WWC2: variants seen among roughly 807,000 people sequenced by gnomAD.
WWC2 encodes the protein protein WWC2.
WWC2 carries 101 observed loss-of-function variants against 138.5 expected under a neutral mutation model. The ratio of observed to expected loss-of-function variants is 0.73; its 90% CI spans 0.62 to 0.86. The LOEUF (loss-of-function observed/expected upper bound fraction) is 0.86, where lower values mean the gene tolerates loss of function less well. Ranked by LOEUF, WWC2 falls within the 40% of genes least tolerant of loss-of-function variation. WWC2 has a pLI of 0.00. For missense variants in WWC2, 1,420 were observed against 1,419.4 expected (o/e 1.00, Z -0.01); for synonymous variants, 558 against 538.4 (o/e 1.04, Z -0.50).
chr4:183,176,332 A>T (rs4333224), intron 1 of WWC2, among the ~76,000 whole-genome samples: 149,708 of 152,318 alleles, frequency 0.98, 73,619 homozygotes, highest in Middle Eastern at 1. Context: ...TGGTTCTTGA[A>T]ATTCCAGCCC....
chr4:183,176,886 TGGA>T (rs1734485453), intron 1 of WWC2, among the ~76,000 whole-genome samples: 1 of 152,030 alleles, frequency 6.6e-6, no homozygotes, highest in Non-Finnish European at 1.5e-5. Flanking sequence ...GCCCTCCTCA[TGGA>T]GGAGTTTTTC....
At chr4:183,140,208 A>G (rs2111093248) in intron 1 of WWC2, among the ~76,000 whole-genome samples, 1 of 152,320 alleles carries the variant, frequency 6.6e-6, no homozygotes, top group African/African-American at 2.4e-5. Flanking sequence ...TGTTGTAGGG[A>G]TTGAGAACTG....
chr4:183,099,780 GC>G (rs1579933148), intron 1 of WWC2, among the ~76,000 whole-genome samples, 158 bp downstream of exon 1: 1 of 151,852 alleles, frequency 6.6e-6, no homozygotes, highest in East Asian at 2.0e-4. Context: ...CCGAGGAGCC[GC>G]CCGTACCCGG....
rs1273271443 is a variant in WWC2 at position 183,268,973 on chromosome 4, A to AT, written c.2214dup (p.Arg739Ter). The AT allele has an allele frequency of 6.2e-7, 1 of 1,610,806 alleles. No homozygotes were observed. The highest frequency in any genetic ancestry group is 1.7e-5 in the Admixed American group (1 of 59,452). ...CATTTTATTCTTGTTCTTTGCAGAT[A>AT]TTTTAGGGTTGCCGTTCTTCCTTCC... On this transcript the variant is annotated frameshift_variant, in exon 15 of 23. Transcript: ENST00000403733. LOFTEE classifies it high-confidence loss of function.
chr4:183,281,125 G>T, intron 17 of WWC2: 1 of 538,290 alleles, frequency 1.9e-6, no homozygotes, highest in Non-Finnish European at 2.9e-6. Context: ...TTCTTGTTTC[G>T]AGTAATTTTA....
In WWC2 at chr4:183,299,274, G is replaced by A. The variant is rs144548778; in HGVS notation, c.3384+9639G>A. Among the ~76,000 whole-genome samples the A allele has an allele frequency of 3.8e-3, 575 of 152,110 alleles. 3 individuals carry two copies. The highest frequency in any genetic ancestry group is 0.013 in the African/African-American group (542 of 41,490). ...CTCAAAGGTCCCACCTCTCAATACC[G>A]TTACAATGGCAATTGAATTTCAGCT... On this transcript the variant is annotated intron_variant, in intron 21 of 22. Transcript: ENST00000403733.
At chr4:183,240,948 T>C (rs953068497) in intron 5 of WWC2, among the ~76,000 whole-genome samples, 1 of 152,166 alleles carries the variant, frequency 6.6e-6, no homozygotes, top group Non-Finnish European at 1.5e-5. Context: ...TGAAAGCCAC[T>C]GTTCTCCCTG....
At chr4:183,134,680 A>C (rs1212557420) in intron 1 of WWC2, among the ~76,000 whole-genome samples, 1 of 151,942 alleles carries the variant, frequency 6.6e-6, no homozygotes, top group Non-Finnish European at 1.5e-5. Flanking sequence ...AATTCTCATG[A>C]TTTTTGCTTT....
chr4:183,171,227 A>G (rs985319443), intron 1 of WWC2, among the ~76,000 whole-genome samples: 8 of 152,236 alleles, frequency 5.3e-5, no homozygotes, highest in African/African-American at 1.9e-4. Context: ...GGTTAAAAAT[A>G]AAAGTGAAAA....
intron 1 of WWC2, among the ~76,000 whole-genome samples, chr4:183,163,462 G>A (rs1319756898): frequency 1.3e-5 from 2 of 152,206 alleles, no homozygotes; most frequent in East Asian, 1.9e-4. Context: ...TCACATGATA[G>A]GGAGGATGCA....
At chr4:183,288,176 G>C (rs1007851103) in intron 20 of WWC2, among the ~76,000 whole-genome samples, 2 of 152,180 alleles carry the variant, frequency 1.3e-5, no homozygotes, top group African/African-American at 4.8e-5. Context: ...AGACCATGCA[G>C]TATGTACTGG....
intron 1 of WWC2, among the ~76,000 whole-genome samples, chr4:183,192,878 A>C (rs1461176960): frequency 6.6e-6 from 1 of 152,254 alleles, no homozygotes; most frequent in African/African-American, 2.4e-5. Context: ...ATTGTAATTA[A>C]GTCTGAAACC....
At chr4:183,227,290 G>A (rs1736102666) in intron 4 of WWC2, among the ~76,000 whole-genome samples, 1 of 152,080 alleles carries the variant, frequency 6.6e-6, no homozygotes, top group African/African-American at 2.4e-5. Context: ...TAAACACTTA[G>A]CTGTGACAGT....
chr4:183,289,577 C>A lies in WWC2; in HGVS notation c.3326C>A (p.Pro1109Gln). 6.2e-7 allele frequency: 1 copy of A among 1,613,936 alleles called. No individual in the cohort carries two copies. Among genetic ancestry groups the A allele is most frequent in the African/African-American group, 1.3e-5 (1 of 75,030 alleles). ...ELKAQGETDL[P>Q]PGVLEDERFQ... ...AAAGCTCAGGGAGAGACTGACCTTCCACCAGGCGTGCTGGAGGATGAGAGG... is the reference window on the plus strand; with the variant it reads ...AAAGCTCAGGGAGAGACTGACCTTCAACCAGGCGTGCTGGAGGATGAGAGG... The change falls in exon 21 of 23, where the codon CCA becomes CAA. Residue 1109 changes from proline to glutamine, a missense_variant. By Grantham distance (76) the Pro-to-Gln change is moderately conservative. Transcript: ENST00000403733.
At chr4:183,225,740 G>A (rs1158066697) in intron 4 of WWC2, among the ~76,000 whole-genome samples, 1 of 152,204 alleles carries the variant, frequency 6.6e-6, no homozygotes, top group African/African-American at 2.4e-5. Context: ...TGATGTAGCA[G>A]AGAACAGATA....
intron 18 of WWC2, among the ~76,000 whole-genome samples, chr4:183,283,526 C>A (rs1204254009): frequency 6.6e-6 from 1 of 152,106 alleles, no homozygotes; most frequent in Non-Finnish European, 1.5e-5. Context: ...AATATTATGC[C>A]CTGAGAACTT....
chr4:183,299,722 T>C (rs1322636588), intron 21 of WWC2, among the ~76,000 whole-genome samples: 1 of 152,082 alleles, frequency 6.6e-6, no homozygotes. Context: ...ACACACACAC[T>C]AACTCTGCCA....
intron 2 of WWC2, among the ~76,000 whole-genome samples, chr4:183,196,520 T>C (rs1735146700): frequency 6.6e-6 from 1 of 152,230 alleles, no homozygotes; most frequent in Non-Finnish European, 1.5e-5. Flanking sequence ...CTTCAGTTAC[T>C]TCCTTCAGAC....
At chr4:183,287,585 T>A (rs987431917) in intron 20 of WWC2, among the ~76,000 whole-genome samples, 52 of 152,338 alleles carry the variant, frequency 3.4e-4, no homozygotes, top group African/African-American at 1.3e-3. Flanking sequence ...AAATGGTTTT[T>A]AAAAGTAGAC....
Sources: allele counts gnomAD v4.1 joint callset (sites outside exome capture counted in the v4.1 genomes callset), GRCh38; gene constraint gnomAD v4.1.1; transcripts MANE v1.5; gene names NCBI Gene and HGNC (gene_info 2026-07-23, HGNC 2026-07-21).